Variants in GRHL1 observed in about 807,000 individuals in gnomAD.
GRHL1 encodes grainyhead-like protein 1 homolog.
In GRHL1, 38 loss-of-function variants were observed where a neutral mutation model predicts 75.7. The ratio of observed to expected loss-of-function variants is 0.50; its 90% CI spans 0.39 to 0.66. The LOEUF (loss-of-function observed/expected upper bound fraction) is 0.66. Among genes scored for constraint, GRHL1 ranks in the 30% least tolerant of loss-of-function variants. GRHL1 has a pLI of 0.00. For synonymous variants in GRHL1, 266 were observed against 279.4 expected, an observed-to-expected ratio of 0.95 and a Z score of 0.48; for missense variants, 589 against 767.5, an observed-to-expected ratio of 0.77 and a Z score of 2.75.
At chr2:9,985,088 C>T (rs1219121424) in intron 8 of GRHL1, among the ~76,000 whole-genome samples, 1 of 151,562 alleles carries the variant, frequency 6.6e-6, no homozygotes, top group Non-Finnish European at 1.5e-5. Flanking sequence ...AAAAATTGCT[C>T]CTGTGGGAAG....
intron 12 of GRHL1, 99 bp from the exon 13 acceptor site, chr2:9,995,780 G>A (rs1668836118): frequency 2.8e-6 from 2 of 717,558 alleles, no homozygotes; most frequent in African/African-American, 1.8e-5. Flanking sequence ...AAGAATGAAA[G>A]TCATTTTAAA....
At chr2:9,998,793 TAC>T (rs200641111) in intron 14 of GRHL1, among the ~76,000 whole-genome samples, 170 bp from the exon 15 acceptor site, 829 of 35,860 alleles carry the variant, frequency 0.023, 107 homozygotes, top group African/African-American at 0.03. Flanking sequence ...TATATATATG[TAC>T]ACACATATAT....
intron 8 of GRHL1, among the ~76,000 whole-genome samples, chr2:9,983,191 C>T (rs931998549): frequency 1.4e-5 from 2 of 143,504 alleles, no homozygotes; most frequent in Non-Finnish European, 3.1e-5. Context: ...CCCATCTTCT[C>T]TTTGGCATCT....
rs1667386813 is a variant in GRHL1, at chr2:9,964,040, C to T, written c.901C>T (p.Arg301Ter). The T allele has an allele frequency of 2.5e-6, 4 of 1,612,606 alleles. No homozygotes were observed. Among genetic ancestry groups the T allele is most frequent in the Admixed American group, 1.7e-5 (1 of 59,948 alleles). Reference protein sequence around the residue: ...EGIHHPISKVRSVIMVVFAED... With the variant: ...EGIHHPISKV ...AATCCATCATCCCATCAGCAAAGTT[C>T]GAGTAAGTTCTGCTCTTAGTCCTGT... The change falls in exon 6 of 16, where the codon CGA becomes TGA. Residue 301 changes from arginine to a stop codon, truncating the protein, a stop_gained and splice_region_variant. Coordinates refer to ENST00000324907, the MANE Select transcript of GRHL1 (RefSeq NM_198182.3). LOFTEE classifies it high-confidence loss of function.
chr2:9,993,297 C>A, intron 12 of GRHL1, 53 bp downstream of exon 12: 1 of 1,470,970 alleles, frequency 6.8e-7, no homozygotes, highest in Non-Finnish European at 9.5e-7. Context: ...TGATTTCAAA[C>A]TTGTAGAAAA....
chr2:9,976,643 C>T (rs1198254992), intron 8 of GRHL1, among the ~76,000 whole-genome samples: 1 of 152,098 alleles, frequency 6.6e-6, no homozygotes, highest in Non-Finnish European at 1.5e-5. Flanking sequence ...TGCCAGGAGA[C>T]GTCAGTGCCA....
intron 8 of GRHL1, among the ~76,000 whole-genome samples, chr2:9,981,633 T>C (rs577973280): frequency 6.6e-6 from 1 of 152,360 alleles, no homozygotes; most frequent in East Asian, 1.9e-4. Flanking sequence ...GAAAATAATG[T>C]CGGGCCCTTT....
At chr2:9,999,078 C>A in intron 15 of GRHL1, 49 bp downstream of exon 15, 2 of 967,400 alleles carry the variant, frequency 2.1e-6, no homozygotes, top group East Asian at 2.8e-5. Flanking sequence ...TGATGCCCCC[C>A]GCAGTGCTAG....
intron 13 of GRHL1, 77 bp from the exon 14 acceptor site, chr2:9,996,239 T>G: frequency 9.6e-7 from 1 of 1,046,906 alleles, no homozygotes; most frequent in East Asian, 2.4e-5. Context: ...TGGTCTGTTT[T>G]CCTCTTTTGC....
At chr2:9,954,703 A>G (rs1572327765) in intron 1 of GRHL1, among the ~76,000 whole-genome samples, 1 of 152,102 alleles carries the variant, frequency 6.6e-6, no homozygotes, top group African/African-American at 2.4e-5. Flanking sequence ...GTGAACTGCC[A>G]GTTCTCTGGC....
chr2:9,990,166 T>C lies in GRHL1; in HGVS notation c.1270-530T>C, dbSNP rs79283081. On this transcript the variant is annotated intron_variant, in intron 9 of 15. Transcript: ENST00000324907. This position sits in a 1 kb window ranked among gnomAD's most constrained non-coding sequence, Gnocchi z 4.2. ...AAGGAGAAATTTTGCTTTTTTTTTTTGAGACAGAGTTTCGCTTTGTCACCC... is the reference window on the plus strand; with the variant it reads ...AAGGAGAAATTTTGCTTTTTTTTTTCGAGACAGAGTTTCGCTTTGTCACCC... Among the ~76,000 whole-genome samples the C allele has an allele frequency of 6.6e-6, 1 of 152,082 alleles. No individual in the cohort carries two copies. Among genetic ancestry groups the C allele is most frequent in the Admixed American group, 6.5e-5 (1 of 15,268 alleles).
intron 8 of GRHL1, among the ~76,000 whole-genome samples, chr2:9,980,165 T>G (rs1439425522): frequency 1.3e-5 from 1 of 76,354 alleles, no homozygotes; most frequent in Non-Finnish European, 2.7e-5. Flanking sequence ...TGGTGGTTTG[T>G]TTTTTTTTTG....
intron 8 of GRHL1, among the ~76,000 whole-genome samples, chr2:9,978,879 T>C (rs1313827332): frequency 6.6e-6 from 1 of 151,866 alleles, no homozygotes; most frequent in Non-Finnish European, 1.5e-5. Flanking sequence ...TAATCCCAGC[T>C]ACATGGGAGG....
At chr2:9,994,774 T>C (rs1668784002) in intron 12 of GRHL1, among the ~76,000 whole-genome samples, 1 of 152,200 alleles carries the variant, frequency 6.6e-6, no homozygotes, top group Non-Finnish European at 1.5e-5. Context: ...TTGCTTGCCG[T>C]GACACCACCT....
chr2:9,996,569 T>C (rs1290984744), intron 14 of GRHL1, among the ~76,000 whole-genome samples, 168 bp downstream of exon 14: 1 of 152,130 alleles, frequency 6.6e-6, no homozygotes, highest in Non-Finnish European at 1.5e-5. Flanking sequence ...CACCCAGGGG[T>C]CTTAACTCAC....
intron 8 of GRHL1, among the ~76,000 whole-genome samples, chr2:9,979,972 A>G (rs917551990): frequency 2.0e-5 from 3 of 151,920 alleles, no homozygotes; most frequent in African/African-American, 7.3e-5. Context: ...GTTCCTGACT[A>G]CTCTCTTTAG....
intron 11 of GRHL1, 140 bp from the exon 12 acceptor site, chr2:9,993,067 A>G: frequency 1.4e-6 from 1 of 736,130 alleles, no homozygotes; most frequent in Non-Finnish European, 2.4e-6. Flanking sequence ...ATCTGTAAGA[A>G]TCTGTTATTG....
Position 9,990,769 on chromosome 2 carries a change from C to G in GRHL1, c.1321+22C>G. 6.3e-7 allele frequency: 1 copy of G among 1,597,080 alleles called. No individual in the cohort carries two copies. The highest frequency in any genetic ancestry group is 8.6e-7 in the Non-Finnish European group (1 of 1,167,894). On this transcript the variant is annotated intron_variant, in intron 10 of 15. Transcript: ENST00000324907. The surrounding 1 kb of genome is among the most constrained non-coding windows in gnomAD (Gnocchi z 4.2). ...AAAGGCAAGTGTCCTGACCCCAGCT[C>G]CCAGGTGAATGCCTGTAAGTAGAAA...
chr2:9,963,774 TG>T (rs1387965088), intron 5 of GRHL1, 111 bp from the exon 6 acceptor site: 2 of 709,232 alleles, frequency 2.8e-6, no homozygotes, highest in African/African-American at 3.6e-5. Flanking sequence ...TGAGTACTTT[TG>T]TTTCAGATTT....
Sources: allele counts gnomAD v4.1 joint callset (sites outside exome capture counted in the v4.1 genomes callset), GRCh38; gene constraint gnomAD v4.1.1; non-coding constraint Gnocchi (gnomAD v3.1); transcripts MANE v1.5; gene names NCBI Gene and HGNC (gene_info 2026-07-23, HGNC 2026-07-21).